The following EHMT1 variants were observed in gnomAD, a reference collection of about 807,000 sequenced individuals.
EHMT1 encodes the protein histone-lysine N-methyltransferase EHMT1.
In EHMT1, 15 loss-of-function variants were observed where a neutral mutation model predicts 147.2. The observed-to-expected ratio is 0.10, with a 90% CI of 0.07 to 0.16. The LOEUF (loss-of-function observed/expected upper bound fraction) is 0.16. Ranked by LOEUF, EHMT1 falls within the 10% of genes least tolerant of loss-of-function variation. EHMT1 has a pLI of 1.00. For missense variants in EHMT1, 1,587 were observed against 1,772.4 expected (o/e 0.90, Z 1.88); for synonymous variants, 795 against 709.6 (o/e 1.12, Z -1.91).
At chr9:137,671,523 T>TC (rs200149637) in intron 1 of EHMT1, among the ~76,000 whole-genome samples, 177 of 143,768 alleles carry the variant, frequency 1.2e-3, no homozygotes, top group Admixed American at 1.6e-3. Flanking sequence ...TTTCTTTCTT[T>TC]TTTTTTTTTT....
intron 3 of EHMT1, among the ~76,000 whole-genome samples, chr9:137,720,363 G>A (rs1429736922): frequency 1.3e-5 from 2 of 152,036 alleles, no homozygotes; most frequent in African/African-American, 2.4e-5. Flanking sequence ...GACTGCAGTG[G>A]CCTGATCACA....
chr9:137,758,289 T>A (rs992061843), intron 9 of EHMT1, among the ~76,000 whole-genome samples: 5 of 152,232 alleles, frequency 3.3e-5, no homozygotes, highest in Non-Finnish European at 5.9e-5. Flanking sequence ...TCAGGCGTGC[T>A]CCGTGGAGGA....
intron 1 of EHMT1, among the ~76,000 whole-genome samples, chr9:137,638,872 GA>G (rs1844278610): frequency 6.6e-6 from 1 of 152,274 alleles, no homozygotes; most frequent in East Asian, 1.9e-4. Flanking sequence ...ACGGCCAGCA[GA>G]CCCCAGAGCC....
intron 1 of EHMT1, among the ~76,000 whole-genome samples, chr9:137,652,282 T>TG (rs1937924236): frequency 6.6e-6 from 1 of 152,152 alleles, no homozygotes; most frequent in South Asian, 2.1e-4. Flanking sequence ...TTTGTAGAGA[T>TG]GAGGTCTTGC....
intron 1 of EHMT1, among the ~76,000 whole-genome samples, chr9:137,709,400 C>T (rs1471380728): frequency 6.6e-6 from 1 of 152,202 alleles, no homozygotes; most frequent in African/African-American, 2.4e-5. Context: ...AACCTGGGCC[C>T]CCCTGCCTTA....
At chr9:137,631,388 G>A (rs955799295) in intron 1 of EHMT1, among the ~76,000 whole-genome samples, 10 of 151,764 alleles carry the variant, frequency 6.6e-5, no homozygotes, top group African/African-American at 2.4e-4. Flanking sequence ...GTGAACCTCT[G>A]TCTTGGAAAA....
At chr9:137,807,910 G>C (rs1954085325) in intron 18 of EHMT1, among the ~76,000 whole-genome samples, 1 of 152,172 alleles carries the variant, frequency 6.6e-6, no homozygotes, top group Non-Finnish European at 1.5e-5. Context: ...CATGTTTCCT[G>C]TTCCTTTGCA....
intron 15 of EHMT1, among the ~76,000 whole-genome samples, chr9:137,790,457 T>G (rs1002945824): frequency 6.6e-6 from 1 of 152,334 alleles, no homozygotes; most frequent in Admixed American, 6.5e-5. Flanking sequence ...AGTGAGAGGA[T>G]GCTGTGTGGC....
At chr9:137,624,654 GT>G (rs1000427923) in intron 1 of EHMT1, among the ~76,000 whole-genome samples, 61 of 152,000 alleles carry the variant, frequency 4.0e-4, no homozygotes, top group African/African-American at 1.5e-3. Flanking sequence ...TTGGGATGGG[GT>G]TTTACCATGT....
intron 1 of EHMT1, among the ~76,000 whole-genome samples, chr9:137,669,445 A>T (rs1940218738): frequency 7.5e-6 from 1 of 133,702 alleles, no homozygotes; most frequent in African/African-American, 2.9e-5. Context: ...CGCCCACAGC[A>T]CGTGCACTCA....
intron 1 of EHMT1, among the ~76,000 whole-genome samples, chr9:137,634,288 T>A (rs1166766864): frequency 2.6e-5 from 4 of 152,220 alleles, no homozygotes; most frequent in Non-Finnish European, 4.4e-5. Flanking sequence ...AGCTCTTACA[T>A]TTAAGTCTTT....
At chr9:137,631,002 C>T (rs1429403419) in intron 1 of EHMT1, among the ~76,000 whole-genome samples, 1 of 152,210 alleles carries the variant, frequency 6.6e-6, no homozygotes, top group Non-Finnish European at 1.5e-5. Flanking sequence ...GGCCAGTGAG[C>T]AGGCTTGGCT....
intron 1 of EHMT1, among the ~76,000 whole-genome samples, chr9:137,695,559 A>C (rs941700577): frequency 6.6e-5 from 10 of 152,346 alleles, no homozygotes; most frequent in Admixed American, 5.9e-4. Flanking sequence ...TATTTTGGTC[A>C]ATGAGTCTCA....
chr9:137,641,564 G>A (rs529505265), intron 1 of EHMT1: 17 of 300,148 alleles, frequency 5.7e-5, no homozygotes, highest in South Asian at 4.9e-4. Context: ...GTGGTTGGCC[G>A]AATTTGTCTA....
chr9:137,722,611 C>T (rs1444697087), intron 3 of EHMT1, among the ~76,000 whole-genome samples: 1 of 151,948 alleles, frequency 6.6e-6, no homozygotes, highest in Non-Finnish European at 1.5e-5. Flanking sequence ...CTGCCCTGCA[C>T]CTGCGGTGTG....
intron 10 of EHMT1, among the ~76,000 whole-genome samples, chr9:137,771,683 A>G (rs1950594596): frequency 7.2e-6 from 1 of 138,256 alleles, no homozygotes; most frequent in Non-Finnish European, 1.5e-5. Flanking sequence ...TACCGAGGAG[A>G]CCGGGGTGGC....
chr9:137,623,420 C>CTTTT (rs111649345), intron 1 of EHMT1, among the ~76,000 whole-genome samples: 1 of 143,944 alleles, frequency 6.9e-6, no homozygotes, highest in Non-Finnish European at 1.5e-5. Flanking sequence ...TGTATTTACT[C>CTTTT]TTTTTTTTTT....
chr9:137,674,862 C>G (rs1941083741), intron 1 of EHMT1: 1 of 152,198 alleles, frequency 6.6e-6, no homozygotes, highest in African/African-American at 2.4e-5. Context: ...GGTCTGGGCC[C>G]TACTGCTGCT....
In EHMT1 at chr9:137,782,243, G is replaced by T. The variant is rs765977071; in HGVS notation, c.2276-48G>T. ...GCCATCGTGACAGTCCTGAGCTGGA[G>T]TCTGTGGCTACATCTGAAATCATTA... is the stretch of plus-strand genomic sequence containing the variant. On this transcript the variant is annotated intron_variant, in intron 14 of 26. Coordinates refer to ENST00000460843, the MANE Select transcript of EHMT1 (RefSeq NM_024757.5). The surrounding 1 kb of genome is among the most constrained non-coding windows in gnomAD (Gnocchi z 5.7). 6.5e-7 allele frequency: 1 copy of T among 1,531,972 alleles called. No individual in the cohort carries two copies. The highest frequency in any genetic ancestry group is 9.0e-7 in the Non-Finnish European group (1 of 1,117,100). The allele number at this position is 1,531,972 out of a possible 1,614,324, so 94.9% of individuals were successfully genotyped here.
Sources: gnomAD v4.1 joint callset for allele counts (sites outside exome capture counted in the v4.1 genomes callset) on GRCh38, gnomAD v4.1.1 for gene constraint, Gnocchi (gnomAD v3.1) non-coding constraint, MANE v1.5 for transcripts, NCBI Gene and HGNC (gene_info 2026-07-23, HGNC 2026-07-21) for gene names.